Variants in SATB2 observed in about 807,000 individuals in gnomAD.
The protein encoded by SATB2 is DNA-binding protein SATB2.
SATB2 carries 1 observed loss-of-function variant against 73.4 expected under a neutral mutation model. The ratio of observed to expected loss-of-function variants is 0.01; its 90% confidence interval spans 0.00 to 0.06. The LOEUF (loss-of-function observed/expected upper bound fraction) is 0.06, where lower values mean the gene tolerates loss of function less well. Among genes scored for constraint, SATB2 ranks in the 10% least tolerant of loss-of-function variants. The pLI is 1.00. For missense variants in SATB2, 459 were observed against 945.8 expected (o/e 0.49, Z 6.75); for synonymous variants, 397 against 367.0 (o/e 1.08, Z -0.93).
At chr2:199,431,462 A>G (rs577585830) in intron 3 of SATB2, among the ~76,000 whole-genome samples, 1 of 152,224 alleles carries the variant, frequency 6.6e-6, no homozygotes, top group Non-Finnish European at 1.5e-5. Flanking sequence ...TATAAAATAA[A>G]GTATATCTGT....
intron 6 of SATB2, among the ~76,000 whole-genome samples, chr2:199,353,460 T>C (rs1251662758): frequency 6.6e-6 from 1 of 152,124 alleles, no homozygotes; most frequent in Non-Finnish European, 1.5e-5. Flanking sequence ...TGGCTGATTT[T>C]ACCTAAATTG....
At chr2:199,301,034 A>G (rs1432090323) in intron 10 of SATB2, among the ~76,000 whole-genome samples, 1 of 152,106 alleles carries the variant, frequency 6.6e-6, no homozygotes, top group Non-Finnish European at 1.5e-5. Context: ...TAAGCCTAGT[A>G]AAATGTTGAA....
At chr2:199,458,840 C>G (rs1692387521), upstream of SATB2, 1 of 316,570 alleles carries the variant, frequency 3.2e-6, no homozygotes, top group Admixed American at 4.4e-5. Flanking sequence ...CGCGCCGAGC[C>G]GAACGTCCCG....
At chr2:199,322,311 A>C (rs1396629762) in intron 9 of SATB2, among the ~76,000 whole-genome samples, 1 of 152,212 alleles carries the variant, frequency 6.6e-6, no homozygotes, top group Admixed American at 6.5e-5. Flanking sequence ...TATGTCCTTT[A>C]TTACACAGTG....
upstream of SATB2, chr2:199,460,317 G>A (rs1340974250): frequency 6.6e-6 from 1 of 152,322 alleles, no homozygotes; most frequent in African/African-American, 2.4e-5. This position sits in a 1 kb window ranked among gnomAD's most constrained non-coding sequence, Gnocchi z 4.0. Flanking sequence ...TCTTCAATCT[G>A]TAATATGTCG....
chr2:199,313,986 T>C (rs963866490), intron 9 of SATB2, among the ~76,000 whole-genome samples: 1 of 152,214 alleles, frequency 6.6e-6, no homozygotes, highest in East Asian at 1.9e-4. Context: ...CTCTCTTAGA[T>C]GGAATGTCTC....
Position 199,464,057 on chromosome 2 carries a change from C to T in SATB2, c.-141+779G>A, listed in dbSNP as rs1241780625. On this transcript the variant is annotated intron_variant, in intron 1 of 11. Coordinates refer to the SATB2 transcript ENST00000260926. The surrounding 1 kb of genome is among the most constrained non-coding windows in gnomAD (Gnocchi z 6.6). Reference sequence around the variant, plus strand: ...GCCAGGGACGAGGGGGGCAGTGTATCCGGCGGCCCAAACTCGTAAGGAGTG... The same window carrying T: ...GCCAGGGACGAGGGGGGCAGTGTATTCGGCGGCCCAAACTCGTAAGGAGTG... Among the ~76,000 whole-genome samples the T allele has an allele frequency of 6.6e-6, 1 of 152,198 alleles. No individual in the cohort carries two copies. The highest frequency in any genetic ancestry group is 6.5e-5 in the Admixed American group (1 of 15,280).
At chr2:199,408,019 C>A (rs1259952525) in intron 3 of SATB2, among the ~76,000 whole-genome samples, 1 of 152,132 alleles carries the variant, frequency 6.6e-6, no homozygotes, top group Admixed American at 6.5e-5. Flanking sequence ...AGCAAAAATA[C>A]GTGAGAAAGC....
chr2:199,392,462 T>G (rs910022735), intron 3 of SATB2, among the ~76,000 whole-genome samples: 1 of 152,226 alleles, frequency 6.6e-6, no homozygotes, highest in African/African-American at 2.4e-5. Context: ...TGAAGCTTTT[T>G]TTTAAACCAT....
intron 3 of SATB2, among the ~76,000 whole-genome samples, chr2:199,399,643 G>A (rs141871747): frequency 7.7e-4 from 117 of 152,292 alleles, no homozygotes; most frequent in African/African-American, 2.6e-3. Context: ...CTCAGCTTCT[G>A]GGAAAGCCTC....
intron 5 of SATB2, among the ~76,000 whole-genome samples, chr2:199,371,779 A>C (rs1689455133): frequency 6.6e-6 from 1 of 152,230 alleles, no homozygotes; most frequent in Admixed American, 6.5e-5. Context: ...TCCAGAATGC[A>C]ACCAACTCGA....
chr2:199,407,889 C>A (rs1690683320), intron 3 of SATB2, among the ~76,000 whole-genome samples: 1 of 152,056 alleles, frequency 6.6e-6, no homozygotes, highest in South Asian at 2.1e-4. Context: ...CATGAACAAA[C>A]AGAAATTCCA....
intron 3 of SATB2, among the ~76,000 whole-genome samples, chr2:199,384,964 G>T (rs1044592156): frequency 6.6e-6 from 1 of 152,220 alleles, no homozygotes; most frequent in South Asian, 2.1e-4. Flanking sequence ...TTAGCTTTCA[G>T]TCATGTGTCT....
In SATB2 at chr2:199,463,144, T is replaced by C. The variant is rs1692517374; in HGVS notation, c.-141+1692A>G. 1.3e-5 allele frequency among the ~76,000 whole-genome samples: 2 copies of C among 152,080 alleles called. No individual in the cohort carries two copies. Among genetic ancestry groups the C allele is most frequent in the Admixed American group, 1.3e-4 (2 of 15,284 alleles). Reference sequence around the variant, plus strand: ...GGTCCTGCGGCCTGGAGCACCACCCTACCACACCAGGCAACGCCCCCCGGG... The same window carrying C: ...GGTCCTGCGGCCTGGAGCACCACCCCACCACACCAGGCAACGCCCCCCGGG... On this transcript the variant is annotated intron_variant, in intron 1 of 11. Transcript: ENST00000260926. The surrounding 1 kb of genome is among the most constrained non-coding windows in gnomAD (Gnocchi z 6.4).
intron 10 of SATB2, among the ~76,000 whole-genome samples, chr2:199,304,157 G>A (rs935586075): frequency 6.6e-6 from 1 of 152,102 alleles, no homozygotes; most frequent in African/African-American, 2.4e-5. Flanking sequence ...AAGGCTTGAC[G>A]TCTCTCTTCC....
chr2:199,468,516 G>A (rs1692636191), upstream of SATB2, among the ~76,000 whole-genome samples: 4 of 152,232 alleles, frequency 2.6e-5, no homozygotes, highest in East Asian at 3.8e-4. Context: ...GAATCTTGCA[G>A]TGAGGTATTT....
At chr2:199,329,088 G>A (rs757660491) in intron 7 of SATB2, 178 bp from the exon 8 acceptor site, 3 of 663,360 alleles carry the variant, frequency 4.5e-6, no homozygotes, top group South Asian at 1.7e-5. Flanking sequence ...CCTTCCGGGG[G>A]ATATGCATTA....
intron 2 of SATB2, among the ~76,000 whole-genome samples, chr2:199,437,103 C>T (rs567925766): frequency 6.6e-6 from 1 of 152,000 alleles, no homozygotes; most frequent in African/African-American, 2.4e-5. Context: ...CTTGCTCTAG[C>T]CCTATATCTT....
intron 4 of SATB2, 142 bp from the exon 5 acceptor site, chr2:199,380,629 G>A: frequency 9.5e-7 from 1 of 1,055,734 alleles, no homozygotes; most frequent in Non-Finnish European, 1.4e-6. Context: ...TGAAGGAAGG[G>A]AAGTAAAACT....
Sources: allele counts gnomAD v4.1 joint callset (sites outside exome capture counted in the v4.1 genomes callset), GRCh38; gene constraint gnomAD v4.1.1; non-coding constraint Gnocchi (gnomAD v3.1); transcripts MANE v1.5; gene names NCBI Gene and HGNC (gene_info 2026-07-23, HGNC 2026-07-21).